Variants in USP47 observed in about 807,000 individuals in gnomAD.
The protein encoded by USP47 is ubiquitin specific peptidase 47, also known as ubiquitin carboxyl-terminal hydrolase 47.
Under a neutral mutation model 165.1 loss-of-function variants are expected in USP47, and 35 were observed. That is an observed-to-expected ratio of 0.21 (90% confidence interval 0.16 to 0.28). The LOEUF is 0.28. Among genes scored for constraint, USP47 ranks in the 10% least tolerant of loss-of-function variants. The probability of loss-of-function intolerance (pLI) is 1.00; values close to 1 mark genes in which losing one functional copy is unlikely to be tolerated. For synonymous variants in USP47, 531 were observed against 544.5 expected (o/e 0.98, Z 0.35); for missense variants, 1,277 against 1,607.4 (o/e 0.79, Z 3.52).
chr11:11,882,979 G>A (rs1249340160), intron 2 of USP47, among the ~76,000 whole-genome samples: 2 of 152,064 alleles, frequency 1.3e-5, no homozygotes, highest in Non-Finnish European at 2.9e-5. Flanking sequence ...TTTGCCTCCT[G>A]TACATTTCTA....
At chr11:11,935,514 A>G (rs1013966511) in intron 16 of USP47, among the ~76,000 whole-genome samples, 1 of 151,958 alleles carries the variant, frequency 6.6e-6, no homozygotes, top group Non-Finnish European at 1.5e-5. Flanking sequence ...TCAATCTTAT[A>G]TGCCAAAAAT....
intron 18 of USP47, 121 bp downstream of exon 18, chr11:11,938,493 T>A (rs1855234731): frequency 1.4e-6 from 1 of 711,138 alleles, no homozygotes; most frequent in Non-Finnish European, 2.3e-6. Context: ...ATATTTGTAG[T>A]TAGGAGACAA....
At chr11:11,848,068 C>T (rs1407113898) in intron 1 of USP47, among the ~76,000 whole-genome samples, 1 of 152,150 alleles carries the variant, frequency 6.6e-6, no homozygotes, top group African/African-American at 2.4e-5. Flanking sequence ...TAGCTTTAAC[C>T]AGTAGGAAAG....
At chr11:11,912,124 A>G (rs1457254452) in intron 8 of USP47, among the ~76,000 whole-genome samples, 1 of 151,918 alleles carries the variant, frequency 6.6e-6, no homozygotes, top group East Asian at 1.9e-4. Flanking sequence ...AAAGACAGGA[A>G]AAGGGCCAAA....
At chr11:11,859,084 CTGTT>C (rs1348764611) in intron 1 of USP47, among the ~76,000 whole-genome samples, 2 of 151,998 alleles carry the variant, frequency 1.3e-5, no homozygotes, top group Non-Finnish European at 2.9e-5. Flanking sequence ...GTGGTGGTAT[CTGTT>C]TGTGCTTTTA....
At chr11:11,905,940 A>G (rs1171395263) in intron 8 of USP47, among the ~76,000 whole-genome samples, 6 of 152,042 alleles carry the variant, frequency 3.9e-5, no homozygotes, top group Admixed American at 2.0e-4. Flanking sequence ...CACTTTTAAA[A>G]TTGGTAAAAG....
chr11:11,900,875 A>G (rs1852181490), intron 5 of USP47, among the ~76,000 whole-genome samples: 2 of 152,208 alleles, frequency 1.3e-5, no homozygotes, highest in African/African-American at 4.8e-5. Context: ...ATTCCTCCCT[A>G]TTAGTGAATT....
chr11:11,909,192 TA>T (rs1852786200), intron 8 of USP47, among the ~76,000 whole-genome samples: 1 of 152,172 alleles, frequency 6.6e-6, no homozygotes, highest in Admixed American at 6.5e-5. Flanking sequence ...AATACTAAAA[TA>T]TGTGTTATAA....
At chr11:11,863,686 CTTAG>C (rs1849506851) in intron 1 of USP47, among the ~76,000 whole-genome samples, 1 of 152,094 alleles carries the variant, frequency 6.6e-6, no homozygotes, top group South Asian at 2.1e-4. Flanking sequence ...CAAATGCATT[CTTAG>C]TTATTTGATT....
chr11:11,883,461 A>G (rs1280087897), intron 2 of USP47, among the ~76,000 whole-genome samples: 2 of 152,222 alleles, frequency 1.3e-5, no homozygotes, highest in African/African-American at 4.8e-5. Context: ...TCACACAGAT[A>G]GTAAGTAGCA....
At chr11:11,860,202 T>C (rs1849300463) in intron 1 of USP47, among the ~76,000 whole-genome samples, 1 of 151,750 alleles carries the variant, frequency 6.6e-6, no homozygotes, top group Non-Finnish European at 1.5e-5. Context: ...CAGGCTGGAG[T>C]GCAATGGCGC....
chr11:11,887,809 T>C (rs1851260066), intron 3 of USP47, among the ~76,000 whole-genome samples: 1 of 152,120 alleles, frequency 6.6e-6, no homozygotes, highest in African/African-American at 2.4e-5. Flanking sequence ...ACTCTAAAAC[T>C]GATCACATAA....
chr11:11,872,341 T>C (rs1291338976), intron 1 of USP47, among the ~76,000 whole-genome samples: 1 of 152,204 alleles, frequency 6.6e-6, no homozygotes, highest in Non-Finnish European at 1.5e-5. Flanking sequence ...ACACCTTTTC[T>C]AACCCAGCCT....
intron 3 of USP47, among the ~76,000 whole-genome samples, chr11:11,887,063 G>T (rs1245082183): frequency 6.6e-6 from 1 of 152,136 alleles, no homozygotes; most frequent in Admixed American, 6.5e-5. Context: ...GGCCTGCCTT[G>T]CAAGAGCTCC....
At position 11,880,198 on chromosome 11, in the gene USP47, C is replaced by G. The variant is rs1474143055; in HGVS notation, c.61C>G (p.Pro21Ala). ...TCAGATAGAAAATGCTGCTGAAGAA[C>G]CTAGAGTCTTATGTATTATACAAGA... ...PKEIENAAEEPRVLCIIQDTT... is the reference protein window; with the variant it reads ...PKEIENAAEEARVLCIIQDTT... Residue 21 changes from proline (P) to alanine (A), a missense_variant, in exon 2 of 28, where the codon CCT becomes GCT. Pro to Ala is a conservative substitution (Grantham distance 27, BLOSUM62 -1). Transcript: ENST00000527733. 6.8e-7 allele frequency: 1 copy of G among 1,475,322 alleles called. No individual in the cohort carries two copies. Among genetic ancestry groups the G allele is most frequent in the Non-Finnish European group, 8.9e-7 (1 of 1,123,838 alleles). The allele number at this position is 1,475,322 out of a possible 1,614,324, so 91.4% of individuals were successfully genotyped here.
At chr11:11,929,076 G>T (rs892738554) in intron 11 of USP47, among the ~76,000 whole-genome samples, 2 of 150,734 alleles carry the variant, frequency 1.3e-5, no homozygotes, top group African/African-American at 5.0e-5. Flanking sequence ...TGTTACTTCG[G>T]ATTTTTTTTA....
In USP47 at chr11:11,947,820, G is replaced by A; in HGVS notation, c.3092-125G>A. ...CATTCAGTGTGGTATATTAGCTAAA[G>A]TCTAACTGAAAAGGGGTACTCTTTA... is the stretch of plus-strand genomic sequence containing the variant. On this transcript the variant is annotated intron_variant, in intron 20 of 27. Coordinates refer to ENST00000527733, the MANE Select transcript of USP47 (RefSeq NM_001282659.2). 4.3e-6 allele frequency: 4 copies of A among 937,162 alleles called. No homozygotes were observed. The South Asian group carries it at 6.4e-5, about 15-fold the overall frequency. The allele number at this position is 937,162 out of a possible 1,614,324, so 58.1% of individuals were successfully genotyped here.
intron 1 of USP47, among the ~76,000 whole-genome samples, chr11:11,872,972 A>G (rs913619993): frequency 1.3e-5 from 2 of 152,184 alleles, no homozygotes; most frequent in South Asian, 2.1e-4. Flanking sequence ...AGGGACAAGA[A>G]GTAGATTTCA....
intron 11 of USP47, among the ~76,000 whole-genome samples, chr11:11,923,215 C>T (rs1853992110): frequency 6.6e-6 from 1 of 151,454 alleles, no homozygotes. Context: ...AACCAAGATT[C>T]TATTACCACC....
Sources: allele counts gnomAD v4.1 joint callset (sites outside exome capture counted in the v4.1 genomes callset), GRCh38; gene constraint gnomAD v4.1.1; transcripts MANE v1.5; gene names NCBI Gene and HGNC (gene_info 2026-07-23, HGNC 2026-07-21).